PARD3: variants seen among roughly 807,000 people sequenced by gnomAD.
PARD3 encodes par-3 family cell polarity regulator.
Under a neutral mutation model 155.4 loss-of-function variants are expected in PARD3, and 75 were observed. That is an observed-to-expected ratio of 0.48 (90% CI 0.40 to 0.58). The LOEUF (loss-of-function observed/expected upper bound fraction) is 0.58, where lower values mean the gene tolerates loss of function less well. PARD3 is among the 20% of genes least tolerant of loss of function. The pLI is 0.00. For missense variants in PARD3, 1,642 were observed against 1,721.7 expected, an observed-to-expected ratio of 0.95 and a Z score of 0.82; for synonymous variants, 576 against 610.5, an observed-to-expected ratio of 0.94 and a Z score of 0.83.
chr10:34,406,601 A>T (rs1372602928), intron 5 of PARD3, among the ~76,000 whole-genome samples: 1 of 152,094 alleles, frequency 6.6e-6, no homozygotes, highest in Non-Finnish European at 1.5e-5. Flanking sequence ...TATGTTGCCC[A>T]GTTCTGACCT....
intron 22 of PARD3, among the ~76,000 whole-genome samples, chr10:34,232,112 C>T (rs1952964509): frequency 6.6e-6 from 1 of 152,068 alleles, no homozygotes; most frequent in African/African-American, 2.4e-5. Context: ...GGTTTGAGAG[C>T]AGAGTCAGAG....
intron 2 of PARD3, among the ~76,000 whole-genome samples, chr10:34,560,266 A>G (rs1170594147): frequency 6.6e-6 from 1 of 152,178 alleles, no homozygotes; most frequent in African/African-American, 2.4e-5. Flanking sequence ...TTTTTTTTCA[A>G]TAGGTTCTAT....
chr10:34,776,197 G>T (rs1393459340), intron 1 of PARD3, among the ~76,000 whole-genome samples: 1 of 152,176 alleles, frequency 6.6e-6, no homozygotes, highest in Non-Finnish European at 1.5e-5. Flanking sequence ...AAGAAAGTGA[G>T]AATATAATTT....
intron 2 of PARD3, among the ~76,000 whole-genome samples, chr10:34,537,747 A>G (rs889359842): frequency 2.6e-5 from 4 of 152,256 alleles, no homozygotes; most frequent in African/African-American, 9.6e-5. Flanking sequence ...ATGTCTTTCA[A>G]TACCAGTCCA....
At chr10:34,152,784 C>T (rs11009657) in intron 22 of PARD3, among the ~76,000 whole-genome samples, 35,770 of 151,948 alleles carry the variant, frequency 0.24, 4,557 homozygotes, top group Middle Eastern at 0.39. Flanking sequence ...GACAACTGGC[C>T]GTACATAGCA....
chr10:34,459,137 G>A (rs1042943580), intron 4 of PARD3, among the ~76,000 whole-genome samples: 1 of 152,108 alleles, frequency 6.6e-6, no homozygotes, highest in Non-Finnish European at 1.5e-5. Context: ...GCTTAACTTT[G>A]AAGGCAAGAA....
At chr10:34,764,597 GCCTGAGTGCTCATTATTCTACT>G (rs919991602) in intron 1 of PARD3, among the ~76,000 whole-genome samples, 22 of 151,986 alleles carry the variant, frequency 1.4e-4, no homozygotes, top group Non-Finnish European at 4.4e-5. Context: ...AGTGGTGGGT[GCCTGAGTGCTCATTATTCTACT>G]CTCTGTTTAC....
intron 24 of PARD3, among the ~76,000 whole-genome samples, chr10:34,114,068 G>A (rs984755632): frequency 2.6e-5 from 4 of 152,116 alleles, no homozygotes; most frequent in African/African-American, 9.7e-5. Flanking sequence ...ATCAGCCTGG[G>A]TAACATAGTG....
chr10:34,218,864 T>G (rs1416303753), intron 22 of PARD3, among the ~76,000 whole-genome samples: 5 of 152,032 alleles, frequency 3.3e-5, no homozygotes, highest in South Asian at 2.1e-4. Context: ...AACCTAACTG[T>G]TCTATAATCA....
At chr10:34,794,326 C>T (rs1235680374) in intron 1 of PARD3, among the ~76,000 whole-genome samples, 1 of 152,200 alleles carries the variant, frequency 6.6e-6, no homozygotes, top group African/African-American at 2.4e-5. Flanking sequence ...ACTTCTCCCC[C>T]AAAGAATTTC....
At chr10:34,667,797 AT>A (rs2093523202) in intron 2 of PARD3, among the ~76,000 whole-genome samples, 1 of 152,232 alleles carries the variant, frequency 6.6e-6, no homozygotes, top group African/African-American at 2.4e-5. Context: ...TTATTTTTAA[AT>A]TCCACAAGAA....
At chr10:34,765,444 G>A (rs184643777) in intron 1 of PARD3, among the ~76,000 whole-genome samples, 4 of 152,170 alleles carry the variant, frequency 2.6e-5, no homozygotes, top group African/African-American at 4.8e-5. Flanking sequence ...TTGGGAGGCT[G>A]AGGCGGGTAG....
intron 22 of PARD3, among the ~76,000 whole-genome samples, chr10:34,259,461 T>C (rs750485532): frequency 3.6e-4 from 55 of 152,158 alleles, no homozygotes; most frequent in Non-Finnish European, 6.5e-4. Flanking sequence ...CTTCAGTCAA[T>C]AGGGCAGCAG....
At chr10:34,473,939 A>C (rs2078528873) in intron 3 of PARD3, among the ~76,000 whole-genome samples, 1 of 152,226 alleles carries the variant, frequency 6.6e-6, no homozygotes, top group African/African-American at 2.4e-5. Context: ...TTGCTTCAAC[A>C]AAGCTGTTTT....
intron 6 of PARD3, among the ~76,000 whole-genome samples, chr10:34,401,362 AAAC>A (rs1170024348): frequency 6.6e-6 from 1 of 152,182 alleles, no homozygotes; most frequent in Non-Finnish European, 1.5e-5. Flanking sequence ...CTATTTCTTC[AAAC>A]AACAATAAAT....
chr10:34,728,304 C>T (rs1057493279), intron 1 of PARD3, among the ~76,000 whole-genome samples: 3 of 152,236 alleles, frequency 2.0e-5, no homozygotes, highest in African/African-American at 4.8e-5. Flanking sequence ...GAAGCCTGTA[C>T]ATTAAATAGC....
At chr10:34,591,449 A>G (rs1428938492) in intron 2 of PARD3, among the ~76,000 whole-genome samples, 1 of 152,198 alleles carries the variant, frequency 6.6e-6, no homozygotes, top group Non-Finnish European at 1.5e-5. Flanking sequence ...CATGTCGAAC[A>G]TTCTAAACAC....
At chr10:34,592,508 G>A (rs1188786340) in intron 2 of PARD3, among the ~76,000 whole-genome samples, 3 of 152,172 alleles carry the variant, frequency 2.0e-5, no homozygotes, top group Non-Finnish European at 2.9e-5. Context: ...GGGCATGGTG[G>A]CTCACACCTC....
chr10:34,435,094 A>G (rs2076122121), intron 5 of PARD3, among the ~76,000 whole-genome samples: 1 of 152,196 alleles, frequency 6.6e-6, no homozygotes, highest in African/African-American at 2.4e-5. Flanking sequence ...AATTTCAGAA[A>G]TTCCACATTT....
Sources: gnomAD v4.1 joint callset for allele counts (sites outside exome capture counted in the v4.1 genomes callset) on GRCh38, gnomAD v4.1.1 for gene constraint, MANE v1.5 for transcripts, NCBI Gene and HGNC (gene_info 2026-07-23, HGNC 2026-07-21) for gene names.